The following EEIG1 variants were observed in gnomAD, a reference collection of about 807,000 sequenced individuals.
EEIG1 encodes the protein estrogen-induced osteoclastogenesis regulator 1, also known as early estrogen-induced gene 1 protein.
the EEIG1 span, chr9:127,953,580 A>T: frequency 6.2e-7 from 1 of 1,614,048 alleles, no homozygotes; most frequent in Non-Finnish European, 8.5e-7. Flanking sequence ...CTTACCTTGG[A>T]ATAAGCCTTC....
At chr9:127,960,471 G>A in the EEIG1 span, among the ~76,000 whole-genome samples, 312 of 152,296 alleles carry the variant, frequency 2.0e-3, no homozygotes, top group African/African-American at 7.3e-3. Context: ...AGCCACAGAG[G>A]AGGAGAATGG....
At chr9:127,948,556 C>A in the EEIG1 span, 1 of 793,974 alleles carries the variant, frequency 1.3e-6, no homozygotes, top group East Asian at 2.6e-5. Flanking sequence ...CTTGGGGGCT[C>A]TGGCAAAGCC....
At chr9:127,940,775 C>T in the EEIG1 span, 1 of 151,964 alleles carries the variant, frequency 6.6e-6, no homozygotes, top group Non-Finnish European at 1.5e-5. Context: ...CCGCCCATCT[C>T]CTTATCACCT....
the EEIG1 span, chr9:127,944,976 C>A: frequency 1.3e-6 from 2 of 1,524,278 alleles, no homozygotes; most frequent in Non-Finnish European, 8.9e-7. Context: ...GACAATAATG[C>A]CAGTCAGCCG....
At chr9:127,953,813 C>CAGACACACGGA in the EEIG1 span, 1 of 1,614,028 alleles carries the variant, frequency 6.2e-7, no homozygotes, top group Non-Finnish European at 8.5e-7. Context: ...ACCTTGCGCA[C>CAGACACACGGA]AGACACACGG....
At chr9:127,945,641 C>T in the EEIG1 span, 1 of 1,577,678 alleles carries the variant, frequency 6.3e-7, no homozygotes, top group South Asian at 1.2e-5. This position sits in a 1 kb window ranked among gnomAD's most constrained non-coding sequence, Gnocchi z 6.5. Flanking sequence ...GGCCAGGCAG[C>T]CACTCACCGG....
the EEIG1 span, among the ~76,000 whole-genome samples, chr9:127,947,270 A>C: frequency 5.4e-4 from 81 of 151,338 alleles, 1 homozygote; most frequent in South Asian, 6.7e-3. Flanking sequence ...ATACAAAAAA[A>C]AAAAAAAAAA....
the EEIG1 span, among the ~76,000 whole-genome samples, chr9:127,965,267 G>C: frequency 2.0e-5 from 3 of 152,106 alleles, no homozygotes; most frequent in African/African-American, 4.8e-5. Flanking sequence ...GCGCACTGTG[G>C]GATGTTCAGC....
chr9:127,976,977 T>C, the EEIG1 span, among the ~76,000 whole-genome samples: 1 of 144,270 alleles, frequency 6.9e-6, no homozygotes, highest in Non-Finnish European at 1.5e-5. The surrounding 1 kb of genome is among the most constrained non-coding windows in gnomAD (Gnocchi z 4.1). Flanking sequence ...GAAGCGGGGT[T>C]CCCAGGCTGC....
At chr9:127,945,461 C>A in the EEIG1 span, 2 of 1,563,332 alleles carry the variant, frequency 1.3e-6, no homozygotes, top group African/African-American at 2.7e-5. This position sits in a 1 kb window ranked among gnomAD's most constrained non-coding sequence, Gnocchi z 6.5. Flanking sequence ...GGGCCCTCCA[C>A]GGTCATGCCA....
At chr9:127,945,592 A>T in the EEIG1 span, 20 of 1,562,852 alleles carry the variant, frequency 1.3e-5, no homozygotes, top group South Asian at 2.4e-4. This position sits in a 1 kb window ranked among gnomAD's most constrained non-coding sequence, Gnocchi z 6.5. Context: ...GGAGCATCAC[A>T]ATGGGGGATC....
At chr9:127,964,997 T>C in the EEIG1 span, among the ~76,000 whole-genome samples, 1 of 151,430 alleles carries the variant, frequency 6.6e-6, no homozygotes, top group East Asian at 2.0e-4. Context: ...TAATCCCAGC[T>C]ACTTGTGAGG....
the EEIG1 span, chr9:127,945,352 A>C: frequency 6.4e-7 from 1 of 1,567,546 alleles, no homozygotes; most frequent in Non-Finnish European, 8.6e-7. This position sits in a 1 kb window ranked among gnomAD's most constrained non-coding sequence, Gnocchi z 6.5. Context: ...GGGGGCACCA[A>C]GCAGTAGGCC....
the EEIG1 span, among the ~76,000 whole-genome samples, chr9:127,965,028 G>A: frequency 1.3e-5 from 2 of 149,086 alleles, no homozygotes; most frequent in Non-Finnish European, 2.9e-5. Flanking sequence ...AGAATCTCTT[G>A]AACCCGGGAG....
chr9:127,957,995 CAGAG>C, the EEIG1 span, among the ~76,000 whole-genome samples: 1 of 152,198 alleles, frequency 6.6e-6, no homozygotes, highest in African/African-American at 2.4e-5. Context: ...GCCTGGGCGA[CAGAG>C]GGAGACTGTT....
chr9:127,954,554 AGCCAGCAGGCCCTGGAGCCTGCTCCAAGT>A, the EEIG1 span, among the ~76,000 whole-genome samples: 3 of 152,308 alleles, frequency 2.0e-5, no homozygotes, highest in African/African-American at 7.2e-5. Flanking sequence ...ACTTCACAAG[AGCCAGCAGGCCCTGGAGCCTGCTCCAAGT>A]GCCAGAGAAA....
chr9:127,974,572 C>T, the EEIG1 span, among the ~76,000 whole-genome samples: 1 of 152,198 alleles, frequency 6.6e-6, no homozygotes, highest in African/African-American at 2.4e-5. Context: ...AGGACAAGGA[C>T]CATGCCCAGC....
At chr9:127,945,384 C>T in the EEIG1 span, 1 of 1,587,050 alleles carries the variant, frequency 6.3e-7, no homozygotes, top group Non-Finnish European at 8.6e-7. This position sits in a 1 kb window ranked among gnomAD's most constrained non-coding sequence, Gnocchi z 6.5. Context: ...AGCGATCGGA[C>T]AGATGCAGGG....
At chr9:127,948,252 G>A in the EEIG1 span, 1 of 1,613,370 alleles carries the variant, frequency 6.2e-7, no homozygotes, top group Non-Finnish European at 8.5e-7. Flanking sequence ...GGTGTGACTA[G>A]GGTGCCCTGC....
Sources: allele counts gnomAD v4.1 joint callset (sites outside exome capture counted in the v4.1 genomes callset), GRCh38; gene constraint gnomAD v4.1.1; non-coding constraint Gnocchi (gnomAD v3.1); transcripts MANE v1.5; gene names NCBI Gene and HGNC (gene_info 2026-07-23, HGNC 2026-07-21).